PCED1B: variants seen among roughly 807,000 people sequenced by gnomAD.
The protein encoded by PCED1B is PC-esterase domain containing 1B, also known as PC-esterase domain-containing protein 1B.
For synonymous variants in PCED1B, 251 were observed against 246.1 expected (o/e 1.02, Z -0.19); for missense variants, 573 against 573.9 (o/e 1.00, Z 0.02).
intron 2 of PCED1B, among the ~76,000 whole-genome samples, chr12:47,183,080 C>G (rs1029108578): frequency 2.0e-5 from 3 of 151,754 alleles, no homozygotes. Flanking sequence ...AAACAGGTGA[C>G]ATAAAGAGGA....
intron 3 of PCED1B, among the ~76,000 whole-genome samples, chr12:47,226,616 C>T (rs1190897937): frequency 1.3e-5 from 2 of 152,186 alleles, no homozygotes; most frequent in East Asian, 1.9e-4. Flanking sequence ...CTCAAGTTAT[C>T]CGCCCGCCTT....
chr12:47,117,805 G>A (rs1462009217), intron 2 of PCED1B, among the ~76,000 whole-genome samples: 6 of 152,120 alleles, frequency 3.9e-5, no homozygotes, highest in African/African-American at 1.4e-4. Flanking sequence ...CTAGCTTATA[G>A]TCCCACCAAC....
intron 2 of PCED1B, among the ~76,000 whole-genome samples, chr12:47,132,448 G>C (rs1453633637): frequency 2.0e-5 from 3 of 152,074 alleles, no homozygotes; most frequent in African/African-American, 2.4e-5. Flanking sequence ...AATACTATGG[G>C]GGAATTAAAC....
At chr12:47,189,013 A>G (rs529293868) in intron 2 of PCED1B, among the ~76,000 whole-genome samples, 7 of 152,270 alleles carry the variant, frequency 4.6e-5, no homozygotes, top group Admixed American at 2.0e-4. Flanking sequence ...TACCAGAAAT[A>G]TGTAGGGACA....
intron 3 of PCED1B, among the ~76,000 whole-genome samples, chr12:47,226,293 G>A (rs1013736232): frequency 1.3e-5 from 2 of 152,182 alleles, no homozygotes; most frequent in African/African-American, 4.8e-5. Flanking sequence ...AACAGTCTCA[G>A]GTACTTAATT....
intron 2 of PCED1B, among the ~76,000 whole-genome samples, chr12:47,175,351 G>A (rs1438499495): frequency 6.6e-6 from 1 of 152,120 alleles, no homozygotes; most frequent in Non-Finnish European, 1.5e-5. Context: ...GTGGCAAATT[G>A]ATATTAACTT....
chr12:47,192,108 C>T (rs569284353), intron 2 of PCED1B, among the ~76,000 whole-genome samples: 2 of 145,114 alleles, frequency 1.4e-5, no homozygotes, highest in African/African-American at 5.2e-5. Flanking sequence ...TTACTGTTTT[C>T]TTATTTTATG....
chr12:47,226,637 G>A (rs1484484534), intron 3 of PCED1B, among the ~76,000 whole-genome samples: 2 of 152,208 alleles, frequency 1.3e-5, no homozygotes, highest in East Asian at 1.9e-4. Context: ...GGCCTCCTAA[G>A]GTGCTGAGAT....
intron 3 of PCED1B, among the ~76,000 whole-genome samples, chr12:47,222,949 C>T (rs570719901): frequency 6.6e-6 from 1 of 152,236 alleles, no homozygotes; most frequent in Non-Finnish European, 1.5e-5. Flanking sequence ...GGGAAACAGG[C>T]AGAAACCAGA....
chr12:47,119,909 T>C lies in PCED1B; in HGVS notation c.-526+15714T>C, dbSNP rs527346882. ...TTGAACCCAGGGGGCGGAGGTTACATGAACCAAGATCACACCACTGCACTC... is the reference window on the plus strand; with the variant it reads ...TTGAACCCAGGGGGCGGAGGTTACACGAACCAAGATCACACCACTGCACTC... On this transcript the variant is annotated intron_variant, in intron 2 of 3. Transcript: ENST00000546455. Among the ~76,000 whole-genome samples the C allele has an allele frequency of 3.3e-5, 5 of 151,856 alleles. No individual in the cohort carries two copies. The South Asian group carries it at 8.3e-4, about 25-fold the overall frequency.
chr12:47,164,764 G>A (rs550764738), intron 2 of PCED1B, among the ~76,000 whole-genome samples: 6 of 152,288 alleles, frequency 3.9e-5, no homozygotes, highest in East Asian at 3.9e-4. Flanking sequence ...CCATCACTCC[G>A]GCATTTTGCA....
In PCED1B at chr12:47,185,570, CTT is replaced by C. The variant is rs1360398074; in HGVS notation, c.-525-30651_-525-30650del. ...TTGGAAGGCTGACGGGGGTGGATCA[CTT>C]AAGGCCAGCAGTTCGAGACCAGCCT... On this transcript the variant is annotated intron_variant, in intron 2 of 3. Coordinates refer to ENST00000546455, the MANE Select transcript of PCED1B (RefSeq NM_138371.3). Among the ~76,000 whole-genome samples the C allele has an allele frequency of 3.9e-4, 59 of 152,086 alleles. 2 individuals carry two copies. Among genetic ancestry groups the C allele is most frequent in the African/African-American group, 1.4e-3 (59 of 41,484 alleles).
At chr12:47,146,203 T>C (rs961984672) in intron 2 of PCED1B, among the ~76,000 whole-genome samples, 2 of 152,230 alleles carry the variant, frequency 1.3e-5, no homozygotes, top group African/African-American at 4.8e-5. Flanking sequence ...ACTGAAGATG[T>C]GATTGATTGC....
chr12:47,192,587 C>T (rs1425341801), intron 2 of PCED1B, among the ~76,000 whole-genome samples: 1 of 152,164 alleles, frequency 6.6e-6, no homozygotes, highest in Admixed American at 6.5e-5. Context: ...CAGAGCTCTC[C>T]TTTCATTTTA....
chr12:47,185,237 G>T (rs1476757071), intron 2 of PCED1B, among the ~76,000 whole-genome samples: 1 of 152,156 alleles, frequency 6.6e-6, no homozygotes, highest in Non-Finnish European at 1.5e-5. Context: ...TTAAGATGAG[G>T]TCATATTGAA....
chr12:47,217,235 T>TA (rs573333287), intron 3 of PCED1B, among the ~76,000 whole-genome samples: 3 of 151,176 alleles, frequency 2.0e-5, no homozygotes, highest in East Asian at 1.9e-4. Context: ...ACCCTGTCTC[T>TA]AAAAAAAACT....
intron 2 of PCED1B, among the ~76,000 whole-genome samples, chr12:47,182,597 A>C (rs866939270): frequency 6.6e-6 from 1 of 152,078 alleles, no homozygotes. Context: ...TCTCAAAAAA[A>C]AAAAGAAAAA....
At chr12:47,206,079 G>A (rs1792364523) in intron 2 of PCED1B, 1 of 152,188 alleles carries the variant, frequency 6.6e-6, no homozygotes, top group Non-Finnish European at 1.5e-5. Context: ...CCTGGGTGGA[G>A]GGCACAAGAT....
At chr12:47,093,739 G>A (rs985989568) in intron 1 of PCED1B, among the ~76,000 whole-genome samples, 1 of 151,786 alleles carries the variant, frequency 6.6e-6, no homozygotes, top group Non-Finnish European at 1.5e-5. Context: ...GGTTTTTCCT[G>A]TTGTTGTTAT....
Sources: gnomAD v4.1 joint callset for allele counts (sites outside exome capture counted in the v4.1 genomes callset) on GRCh38, gnomAD v4.1.1 for gene constraint, MANE v1.5 for transcripts, NCBI Gene and HGNC (gene_info 2026-07-23, HGNC 2026-07-21) for gene names.